The following PCDHA5 variants were observed in gnomAD, a reference collection of about 807,000 sequenced individuals.
PCDHA5 encodes protocadherin alpha 5.
A neutral mutation model predicts 61.6 loss-of-function variants in PCDHA5; 43 were observed. The observed-to-expected ratio is 0.70, with a 90% CI of 0.55 to 0.90. The LOEUF is 0.90. Ranked by LOEUF, PCDHA5 falls within the 40% of genes least tolerant of loss-of-function variation. The probability of loss-of-function intolerance (pLI) is 0.00; values close to 1 mark genes in which losing one functional copy is unlikely to be tolerated. For synonymous variants in PCDHA5, 627 were observed against 543.9 expected (o/e 1.15, Z -2.13); for missense variants, 1,298 against 1,222.7 (o/e 1.06, Z -0.92).
chr5:140,891,344 T>C (rs952306829), intron 1 of PCDHA5, among the ~76,000 whole-genome samples: 2 of 152,166 alleles, frequency 1.3e-5, no homozygotes, highest in East Asian at 1.9e-4. Flanking sequence ...GAGATTTTGG[T>C]GCATCCATCA....
intron 1 of PCDHA5, among the ~76,000 whole-genome samples, chr5:140,946,628 A>ATATATATATATATATATATATATATATC (rs2093986423): frequency 7.4e-6 from 1 of 134,528 alleles, no homozygotes; most frequent in Non-Finnish European, 1.6e-5. Context: ...ATATATATAT[A>ATATATATATATATATATATATATATATC]TATACAATGG....
At chr5:140,884,170 G>T (rs1333457358) in intron 1 of PCDHA5, 2 of 1,613,412 alleles carry the variant, frequency 1.2e-6, no homozygotes, top group Non-Finnish European at 8.5e-7. Context: ...TCAGCACGAC[G>T]CGCCCTCTGG....
At chr5:140,883,202 G>T in intron 1 of PCDHA5, 1 of 1,613,916 alleles carries the variant, frequency 6.2e-7, no homozygotes, top group Non-Finnish European at 8.5e-7. Context: ...AGATTTCGAA[G>T]AAAAGAAATT....
intron 1 of PCDHA5, among the ~76,000 whole-genome samples, chr5:140,826,646 A>G (rs1769000143): frequency 6.6e-6 from 1 of 152,182 alleles, no homozygotes; most frequent in Non-Finnish European, 1.5e-5. Flanking sequence ...ATATGAAGGT[A>G]ACATTTTTGC....
At chr5:140,995,963 A>G (rs2097706042) in intron 3 of PCDHA5, among the ~76,000 whole-genome samples, 1 of 152,234 alleles carries the variant, frequency 6.6e-6, no homozygotes, top group Non-Finnish European at 1.5e-5. Context: ...AATGCTTAGA[A>G]CCATGCTTAG....
chr5:140,892,311 T>C (rs1042617869), intron 1 of PCDHA5, among the ~76,000 whole-genome samples: 1 of 152,222 alleles, frequency 6.6e-6, no homozygotes, highest in Non-Finnish European at 1.5e-5. Flanking sequence ...TTGGGGCTTA[T>C]AACATTTTCT....
Position 140,823,776 on chromosome 5 carries a change from G to A in PCDHA5, c.2001G>A (p.Ser667=), listed in dbSNP as rs1013042375. ...CAGCCACAGCCACAGTGCTGGTGTC[G>A]CTGGTGGAAAGTGGCCAGGCGCCGA... ...PLTATATVLV[S]LVESGQAPKA... Residue 667 remains serine, a synonymous_variant, in exon 1 of 4, where the codon TCG becomes TCA. Coordinates refer to ENST00000529859, the MANE Select transcript of PCDHA5 (RefSeq NM_018908.3). The A allele has an allele frequency of 1.9e-6, 3 of 1,613,732 alleles. No individual in the cohort carries two copies. Among genetic ancestry groups the A allele is most frequent in the Non-Finnish European group, 2.5e-6 (3 of 1,179,926 alleles).
At chr5:140,927,926 T>C (rs782407263) in intron 1 of PCDHA5, 2 of 1,614,212 alleles carry the variant, frequency 1.2e-6, no homozygotes, top group East Asian at 2.2e-5. Context: ...TTCCTGACTC[T>C]TTCGAACCCA....
intron 1 of PCDHA5, chr5:140,828,238 G>C (rs2150152865): frequency 6.2e-7 from 1 of 1,613,936 alleles, no homozygotes; most frequent in African/African-American, 1.3e-5. Flanking sequence ...GCCGGATCGC[G>C]CAGGACCTGG....
intron 3 of PCDHA5, among the ~76,000 whole-genome samples, chr5:141,000,385 C>A (rs868983393): frequency 3.1e-5 from 2 of 64,984 alleles, no homozygotes; most frequent in South Asian, 5.2e-4. Flanking sequence ...CTCTCTCTCT[C>A]TCTCTCTCTC....
At chr5:140,975,027 C>G (rs1235916815) in intron 1 of PCDHA5, among the ~76,000 whole-genome samples, 1 of 152,082 alleles carries the variant, frequency 6.6e-6, no homozygotes, top group Non-Finnish European at 1.5e-5. Flanking sequence ...GCTGTGTTGT[C>G]CTTTGCAGGC....
At chr5:140,922,841 A>G (rs982832745) in intron 1 of PCDHA5, among the ~76,000 whole-genome samples, 67 of 152,372 alleles carry the variant, frequency 4.4e-4, no homozygotes, top group African/African-American at 1.5e-3. Flanking sequence ...GATGTCCTCA[A>G]AGAGACCAAA....
At chr5:140,870,819 G>C (rs1365807310) in intron 1 of PCDHA5, 3 of 1,613,714 alleles carry the variant, frequency 1.9e-6, no homozygotes, top group South Asian at 1.1e-5. Flanking sequence ...CTGGCAGCGC[G>C]GGAGGCGCAG....
At chr5:140,859,562 C>A in intron 1 of PCDHA5, 1 of 176,644 alleles carries the variant, frequency 5.7e-6, no homozygotes, top group Non-Finnish European at 1.2e-5. Flanking sequence ...ACACCAATGC[C>A]ATGAATTTGT....
chr5:140,918,111 C>T (rs1035723043), intron 1 of PCDHA5, among the ~76,000 whole-genome samples: 1 of 152,016 alleles, frequency 6.6e-6, no homozygotes, highest in Non-Finnish European at 1.5e-5. Flanking sequence ...CTTTCACATC[C>T]TTGATTAGCC....
intron 1 of PCDHA5, among the ~76,000 whole-genome samples, chr5:140,893,013 CCTGACTTATTTCA>C (rs2063781212): frequency 6.6e-6 from 1 of 152,170 alleles, no homozygotes; most frequent in African/African-American, 2.4e-5. Context: ...TTTTTCTGTG[CCTGACTTATTTCA>C]CTTAACATAT....
intron 3 of PCDHA5, among the ~76,000 whole-genome samples, chr5:140,994,367 G>C (rs2097617491): frequency 6.6e-6 from 1 of 152,110 alleles, no homozygotes; most frequent in African/African-American, 2.4e-5. Context: ...AGATGGAATT[G>C]GAAATTCAGG....
rs2150065816 is a variant in PCDHA5 at position 140,823,479 on chromosome 5, A to G, written c.1704A>G (p.Arg568=). The change falls in exon 1 of 4, where the codon CGA becomes CGG. Residue 568 remains arginine (R), a synonymous_variant. Transcript: ENST00000529859. ...NDNAPALLVP[R]VGGTGGAVSE... ...ACGCGCCGGCGCTGCTGGTGCCTCGAGTGGGTGGCACCGGCGGCGCAGTGA... is the reference window on the plus strand; with the variant it reads ...ACGCGCCGGCGCTGCTGGTGCCTCGGGTGGGTGGCACCGGCGGCGCAGTGA... 6.2e-7 allele frequency: 1 copy of G among 1,613,312 alleles called. No homozygotes were observed. The highest frequency in any genetic ancestry group is 8.5e-7 in the Non-Finnish European group (1 of 1,179,690).
At chr5:140,857,489 G>A (rs1168742927) in intron 1 of PCDHA5, 3 of 1,598,334 alleles carry the variant, frequency 1.9e-6, no homozygotes, top group African/African-American at 1.3e-5. Context: ...TGCGTGGGAC[G>A]CGGACGCGCA....
Sources: gnomAD v4.1 joint callset for allele counts (sites outside exome capture counted in the v4.1 genomes callset) on GRCh38, gnomAD v4.1.1 for gene constraint, MANE v1.5 for transcripts, NCBI Gene and HGNC (gene_info 2026-07-23, HGNC 2026-07-21) for gene names.